The following DAB2IP variants were observed in gnomAD, a reference collection of about 807,000 sequenced individuals.
The protein encoded by DAB2IP is DAB2 interacting protein, also known as disabled homolog 2-interacting protein.
In DAB2IP, 28 loss-of-function variants were observed where a neutral mutation model predicts 107.2. The observed-to-expected ratio is 0.26, with a 90% CI of 0.19 to 0.36. The LOEUF (loss-of-function observed/expected upper bound fraction) is 0.36, where lower values mean the gene tolerates loss of function less well. Ranked by LOEUF, DAB2IP falls within the 10% of genes least tolerant of loss-of-function variation. The probability of loss-of-function intolerance (pLI) is 1.00; values close to 1 mark genes in which losing one functional copy is unlikely to be tolerated. For missense variants in DAB2IP, 1,400 were observed against 1,644.7 expected (o/e 0.85, Z 2.57); for synonymous variants, 755 against 706.4 (o/e 1.07, Z -1.09).
At chr9:121,783,709 C>T in exon 16 of DAB2IP, 1 of 955,738 alleles carries the variant, frequency 1.0e-6, no homozygotes, top group East Asian at 2.4e-5. Flanking sequence ...TCCTCCTCAC[C>T]CTTCCCGGCC....
intron 6 of DAB2IP, among the ~76,000 whole-genome samples, chr9:121,762,397 G>A (rs1008871498): frequency 3.3e-5 from 5 of 152,156 alleles, no homozygotes; most frequent in Admixed American, 6.5e-5. Context: ...TCTGACCCCC[G>A]CTTTAGTGTA....
intron 2 of DAB2IP, among the ~76,000 whole-genome samples, chr9:121,679,700 T>C (rs998641971): frequency 3.3e-5 from 5 of 151,686 alleles, no homozygotes; most frequent in African/African-American, 1.2e-4. Flanking sequence ...GAACAGAGAG[T>C]GTGCAGGCCT....
At chr9:121,745,737 C>A (rs1467404742) in intron 3 of DAB2IP, among the ~76,000 whole-genome samples, 1 of 149,990 alleles carries the variant, frequency 6.7e-6, no homozygotes, top group African/African-American at 2.5e-5. Flanking sequence ...TGCTGAGGTG[C>A]AGGAGAGGCC....
At chr9:121,628,102 G>T (rs892582391) in intron 1 of DAB2IP, among the ~76,000 whole-genome samples, 1 of 152,238 alleles carries the variant, frequency 6.6e-6, no homozygotes, top group Admixed American at 6.5e-5. Flanking sequence ...AGAGGTTGTG[G>T]TTCTTGCCTT....
intron 11 of DAB2IP, among the ~76,000 whole-genome samples, chr9:121,771,690 G>A (rs1408762994): frequency 6.6e-6 from 1 of 152,126 alleles, no homozygotes; most frequent in Non-Finnish European, 1.5e-5. Context: ...TGTGGCCTGG[G>A]CAGCCAGGCC....
chr9:121,643,290 A>C (rs887674517), intron 1 of DAB2IP, among the ~76,000 whole-genome samples: 1 of 151,896 alleles, frequency 6.6e-6, no homozygotes, highest in African/African-American at 2.4e-5. Context: ...CATTTTTTGC[A>C]GAGGGAGGAT....
intron 1 of DAB2IP, among the ~76,000 whole-genome samples, chr9:121,672,365 T>C (rs1252055012): frequency 6.6e-6 from 1 of 152,176 alleles, no homozygotes; most frequent in Non-Finnish European, 1.5e-5. Flanking sequence ...ACAACTGAAA[T>C]TTGGTGTCTT....
intron 1 of DAB2IP, among the ~76,000 whole-genome samples, chr9:121,660,961 C>G (rs1219035183): frequency 6.6e-6 from 1 of 152,112 alleles, no homozygotes; most frequent in African/African-American, 2.4e-5. Flanking sequence ...TAGGCTGACA[C>G]CCACGAAGGA....
At chr9:121,597,424 C>T (rs1830553985) in intron 1 of DAB2IP, among the ~76,000 whole-genome samples, 1 of 152,160 alleles carries the variant, frequency 6.6e-6, no homozygotes, top group African/African-American at 2.4e-5. Context: ...GTTTCCATAC[C>T]TGTATGGGTC....
At position 121,782,306 on chromosome 9, in the gene DAB2IP, C is replaced by T; in HGVS notation, c.3403-25C>T. ...CCCTAAGGAGCCTGTCCCATGACCC[C>T]CGCTCACATCCCCATTGTCCACAGG... On this transcript the variant is annotated intron_variant, in intron 15 of 15. Transcript: ENST00000408936. The surrounding 1 kb of genome is among the most constrained non-coding windows in gnomAD (Gnocchi z 6.1). 1 of 1,609,148 alleles carries T rather than the reference C, an allele frequency of 6.2e-7. No homozygotes were observed. Among genetic ancestry groups the T allele is most frequent in the Middle Eastern group, 1.7e-4 (1 of 6,042 alleles).
chr9:121,682,826 C>T (rs1044920828), intron 2 of DAB2IP, among the ~76,000 whole-genome samples: 1 of 152,168 alleles, frequency 6.6e-6, no homozygotes, highest in African/African-American at 2.4e-5. Context: ...AGGAGTGGAA[C>T]TTTTCTGCCT....
Position 121,782,948 on chromosome 9 carries a change from C to T in DAB2IP, c.*450C>T. On this transcript the variant is annotated 3_prime_UTR_variant, in exon 16 of 16. Coordinates refer to ENST00000408936, the Ensembl canonical transcript of DAB2IP. The surrounding 1 kb of genome is among the most constrained non-coding windows in gnomAD (Gnocchi z 6.1). The stretch of plus-strand genomic sequence containing the variant: ...TCGCCTCCTTGGGGGGCCCGGGACT[C>T]CCTGGCAGCCAGGCCCTGTCATGTG... 2.9e-6 allele frequency: 3 copies of T among 1,019,944 alleles called. No homozygotes were observed. Among genetic ancestry groups the T allele is most frequent in the Non-Finnish European group, 3.5e-6 (3 of 850,874 alleles). The allele number at this position is 1,019,944 out of a possible 1,614,324, so 63.2% of individuals were successfully genotyped here.
chr9:121,723,489 G>T (rs1198352193), intron 3 of DAB2IP, among the ~76,000 whole-genome samples: 2 of 152,234 alleles, frequency 1.3e-5, no homozygotes, highest in African/African-American at 4.8e-5. Flanking sequence ...ACAAGGGACA[G>T]CCAGGAACCA....
chr9:121,708,501 G>C (rs768877834), intron 3 of DAB2IP, among the ~76,000 whole-genome samples: 1 of 152,238 alleles, frequency 6.6e-6, no homozygotes, highest in Admixed American at 6.5e-5. Context: ...GCTTGGAACA[G>C]TCAGGGCATT....
chr9:121,751,168 CT>C (rs1296313346), intron 3 of DAB2IP: 1 of 173,280 alleles, frequency 5.8e-6, no homozygotes, highest in Non-Finnish European at 1.2e-5. Flanking sequence ...ACCTTTCCCC[CT>C]GCCCGGCTGC....
chr9:121,601,905 T>TGC (rs1554847221), intron 1 of DAB2IP, among the ~76,000 whole-genome samples: 2,862 of 145,050 alleles, frequency 0.02, 40 homozygotes, highest in Non-Finnish European at 0.028. Flanking sequence ...TGTGTGTGTG[T>TGC]GCGCGTGCGT....
intron 3 of DAB2IP, chr9:121,742,689 G>A (rs564641374): frequency 2.1e-6 from 2 of 972,430 alleles, no homozygotes; most frequent in Non-Finnish European, 2.4e-6. Context: ...TTGGAAGGAC[G>A]GTTGCCCCCA....
chr9:121,596,742 C>A (rs1249598094), intron 1 of DAB2IP, among the ~76,000 whole-genome samples: 2 of 150,838 alleles, frequency 1.3e-5, no homozygotes, highest in African/African-American at 5.0e-5. Flanking sequence ...TTGCAATGAG[C>A]AAGAGGTTCT....
intron 1 of DAB2IP, among the ~76,000 whole-genome samples, chr9:121,656,598 C>G (rs1013718594): frequency 1.3e-5 from 2 of 152,194 alleles, no homozygotes; most frequent in Non-Finnish European, 2.9e-5. Flanking sequence ...CCTTACATAC[C>G]TCAAGGATTG....
Sources: allele counts gnomAD v4.1 joint callset (sites outside exome capture counted in the v4.1 genomes callset), GRCh38; gene constraint gnomAD v4.1.1; non-coding constraint Gnocchi (gnomAD v3.1); transcripts MANE v1.5; gene names NCBI Gene and HGNC (gene_info 2026-07-23, HGNC 2026-07-21).